Variants in IAH1 observed in about 807,000 individuals in gnomAD.
IAH1 encodes isoamyl acetate-hydrolyzing esterase 1 homolog.
A neutral mutation model predicts 26.7 loss-of-function variants in IAH1; 24 were observed. That is an observed-to-expected ratio of 0.90 (90% CI 0.65 to 1.26). IAH1 has a LOEUF of 1.26. Ranked by LOEUF, IAH1 falls within the 50% of genes most tolerant of loss-of-function variation. IAH1 has a pLI of 0.00. For synonymous variants in IAH1, 140 were observed against 118.5 expected (o/e 1.18, Z -1.18); for missense variants, 300 against 299.9 (o/e 1.00, Z 0.00).
At chr2:9,487,815 TGTGTGTGTGTGTGTGTGTGC>T (rs1461024016) in intron 5 of IAH1, among the ~76,000 whole-genome samples, 22 of 93,240 alleles carry the variant, frequency 2.4e-4, no homozygotes, top group Non-Finnish European at 4.4e-4. Flanking sequence ...TGTGTGTGTG[TGTGTGTGTGTGTGTGTGTGC>T]GCGCGCGCGC....
intron 3 of IAH1, among the ~76,000 whole-genome samples, chr2:9,479,758 C>T (rs566202731): frequency 4.9e-5 from 7 of 144,272 alleles, no homozygotes; most frequent in African/African-American, 7.7e-5. Flanking sequence ...TATTCAGATA[C>T]GCAGCCAGAT....
At chr2:9,478,179 A>C in intron 2 of IAH1, 43 bp from the exon 3 acceptor site, 1 of 1,560,060 alleles carries the variant, frequency 6.4e-7, no homozygotes, top group Non-Finnish European at 8.7e-7. Context: ...GACCATAAAC[A>C]CTTCTTGCCC....
chr2:9,506,707 TC>T, the IAH1 span: 1 of 152,374 alleles, frequency 6.6e-6, no homozygotes, highest in Non-Finnish European at 1.5e-5. Flanking sequence ...GTCTGGTTAT[TC>T]TAATCGGGGC....
In IAH1 at chr2:9,478,229, G is replaced by T. The variant is rs1248447658; in HGVS notation, c.142G>T (p.Asp48Tyr). 1.3e-6 allele frequency: 2 copies of T among 1,592,390 alleles called. No individual in the cohort carries two copies. The highest frequency in any genetic ancestry group is 1.2e-5 in the South Asian group (1 of 86,924). Reference protein sequence around the residue: ...SLADRLVRKCDVLNRGFSGYN... With the variant: ...SLADRLVRKCYVLNRGFSGYN... ...TAAAATTTTTCGTTTCAGAAAATGT[G>T]ATGTTCTGAATCGTGGATTTTCAGG... is the stretch of plus-strand genomic sequence containing the variant. Residue 48 changes from aspartate to tyrosine, a missense_variant, in exon 3 of 6, where the codon GAT (aspartate) becomes TAT (tyrosine). By Grantham distance (160) the Asp-to-Tyr change is radical. Transcript: ENST00000497473.
downstream of IAH1, among the ~76,000 whole-genome samples, chr2:9,497,447 G>A (rs547648027): frequency 8.5e-5 from 13 of 152,346 alleles, no homozygotes; most frequent in South Asian, 2.1e-4. Flanking sequence ...TGCCAGGCTA[G>A]GCTGCATGAG....
intron 3 of IAH1, among the ~76,000 whole-genome samples, chr2:9,480,498 A>C (rs116543511): frequency 1.3e-3 from 197 of 152,356 alleles, no homozygotes; most frequent in African/African-American, 4.5e-3. Flanking sequence ...ACCTGTCTCT[A>C]AAACAATTTG....
the IAH1 span, among the ~76,000 whole-genome samples, chr2:9,503,075 G>A: frequency 6.6e-6 from 1 of 150,608 alleles, no homozygotes; most frequent in South Asian, 2.1e-4. Context: ...GGAAGGCAGA[G>A]GTTGCGGTGA....
At chr2:9,503,051 A>G in the IAH1 span, among the ~76,000 whole-genome samples, 1 of 151,526 alleles carries the variant, frequency 6.6e-6, no homozygotes, top group East Asian at 1.9e-4. Context: ...AAGGCAGGAG[A>G]ATAGCTTGAA....
upstream of IAH1, chr2:9,474,548 C>CGCCCA: frequency 1.4e-6 from 2 of 1,443,982 alleles, no homozygotes; most frequent in Non-Finnish European, 1.8e-6. This position sits in a 1 kb window ranked among gnomAD's most constrained non-coding sequence, Gnocchi z 4.3. Flanking sequence ...GGCCCCGCCC[C>CGCCCA]GCCCCGCCCG....
chr2:9,490,005 AAGG>A (rs1661981812), downstream of IAH1: 1 of 582,188 alleles, frequency 1.7e-6, no homozygotes, highest in Non-Finnish European at 2.9e-6. Flanking sequence ...ACCTTTTCAA[AAGG>A]AGAAGGGCCA....
In IAH1 at chr2:9,484,484, T is replaced by C; in HGVS notation, c.498T>C (p.Cys166=). The C allele has an allele frequency of 6.2e-7, 1 of 1,614,192 alleles. No homozygotes were observed. Among genetic ancestry groups the C allele is most frequent in the Non-Finnish European group, 8.5e-7 (1 of 1,180,042 alleles). The part of the protein sequence containing the change: ...NSVVGEYANA[C]LQVAQDCGTD... The stretch of plus-strand genomic sequence containing the variant: ...TTGTTGGTGAATATGCCAATGCGTG[T>C]TTACAAGTGGCCCAAGACTGTGGGA... Residue 166 remains cysteine (C), a synonymous_variant, in exon 5 of 6, where the codon TGT becomes TGC. Transcript: ENST00000497473.
At chr2:9,487,060 C>A (rs963902235) in intron 5 of IAH1, among the ~76,000 whole-genome samples, 2 of 151,852 alleles carry the variant, frequency 1.3e-5, no homozygotes, top group Non-Finnish European at 2.9e-5. Context: ...AATGAGAGAC[C>A]CATCTCTACA....
chr2:9,475,284 C>A, intron 1 of IAH1: 7 of 1,059,912 alleles, frequency 6.6e-6, no homozygotes, highest in Non-Finnish European at 7.7e-6. Flanking sequence ...ACAGGACTTG[C>A]TTCACCAGGC....
At chr2:9,485,480 CCT>C (rs762719283) in intron 5 of IAH1, 3 of 152,366 alleles carry the variant, frequency 2.0e-5, no homozygotes, top group Non-Finnish European at 4.4e-5. Flanking sequence ...ATGGCGAAAC[CCT>C]GTCTCTACTA....
the IAH1 span, chr2:9,505,056 C>T: frequency 7.4e-6 from 9 of 1,214,210 alleles, no homozygotes; most frequent in Non-Finnish European, 7.0e-6. Flanking sequence ...TAAACAAACA[C>T]ACTCACACCC....
At chr2:9,501,251 TAAAAAAA>T (rs536264722), downstream of IAH1, among the ~76,000 whole-genome samples, 1 of 148,996 alleles carries the variant, frequency 6.7e-6, no homozygotes, top group African/African-American at 2.5e-5. Context: ...CAAGGGCTGT[TAAAAAAA>T]AAAGTAAGAA....
the IAH1 span, among the ~76,000 whole-genome samples, chr2:9,506,056 G>A: frequency 6.6e-6 from 1 of 152,128 alleles, no homozygotes; most frequent in Non-Finnish European, 1.5e-5. Flanking sequence ...TTTATCAGGA[G>A]CTCTAAAACT....
At chr2:9,497,373 A>C (rs1014201257), downstream of IAH1, 3 of 1,249,264 alleles carry the variant, frequency 2.4e-6, no homozygotes, top group African/African-American at 4.5e-5. Flanking sequence ...AGTGACCTAC[A>C]GAGCTAGGAC....
chr2:9,475,738 T>C, intron 1 of IAH1: 4 of 551,978 alleles, frequency 7.2e-6, no homozygotes, highest in South Asian at 6.4e-5. Flanking sequence ...AGACCTCATG[T>C]GATCCGCCCG....
Sources: gnomAD v4.1 joint callset for allele counts (sites outside exome capture counted in the v4.1 genomes callset) on GRCh38, gnomAD v4.1.1 for gene constraint, Gnocchi (gnomAD v3.1) non-coding constraint, MANE v1.5 for transcripts, NCBI Gene and HGNC (gene_info 2026-07-23, HGNC 2026-07-21) for gene names.